TASP1: variants seen among roughly 807,000 people sequenced by gnomAD.
TASP1 encodes taspase 1.
TASP1 carries 16 observed loss-of-function variants against 56.6 expected under a neutral mutation model. That is an observed-to-expected ratio of 0.28 (90% CI 0.19 to 0.43). TASP1 has a LOEUF of 0.43. TASP1 is among the 20% of genes least tolerant of loss of function. The pLI is 1.00. For synonymous variants in TASP1, 179 were observed against 184.2 expected, an observed-to-expected ratio of 0.97 and a Z score of 0.23; for missense variants, 393 against 511.6, an observed-to-expected ratio of 0.77 and a Z score of 2.24.
chr20:13,551,717 T>C (rs911032969), intron 8 of TASP1, among the ~76,000 whole-genome samples: 1 of 152,198 alleles, frequency 6.6e-6, no homozygotes, highest in African/African-American at 2.4e-5. Context: ...AGTACAGCAA[T>C]TGGCCAATGA....
At chr20:13,326,094 G>A in the TASP1 span, among the ~76,000 whole-genome samples, 7 of 152,174 alleles carry the variant, frequency 4.6e-5, no homozygotes, top group East Asian at 7.7e-4. Context: ...GGTTTCTTTC[G>A]CTCAGCATAA....
intron 4 of TASP1, among the ~76,000 whole-genome samples, chr20:13,595,791 C>T (rs560740974): frequency 6.6e-6 from 1 of 152,204 alleles, no homozygotes; most frequent in Non-Finnish European, 1.5e-5. Flanking sequence ...ACTTTAACAT[C>T]CCACTGTCAA....
At chr20:13,179,008 G>A in the TASP1 span, among the ~76,000 whole-genome samples, 5 of 152,040 alleles carry the variant, frequency 3.3e-5, no homozygotes, top group Non-Finnish European at 7.4e-5. Context: ...TACTTTATAT[G>A]TATCCAAACA....
chr20:13,342,779 C>G, the TASP1 span, among the ~76,000 whole-genome samples: 1 of 152,178 alleles, frequency 6.6e-6, no homozygotes, highest in Non-Finnish European at 1.5e-5. Context: ...TCACACCCTC[C>G]CTTCTGGACT....
chr20:13,197,786 C>T, the TASP1 span, among the ~76,000 whole-genome samples: 1 of 152,148 alleles, frequency 6.6e-6, no homozygotes, highest in East Asian at 1.9e-4. Context: ...GAATTTTGAA[C>T]TCACATCCAG....
the TASP1 span, among the ~76,000 whole-genome samples, chr20:13,127,354 G>GATAC: frequency 6.6e-6 from 1 of 152,172 alleles, no homozygotes; most frequent in South Asian, 2.1e-4. Flanking sequence ...CACCAGAGGG[G>GATAC]ATACGGTGCT....
chr20:13,463,594 G>A (rs2044139481), intron 11 of TASP1, among the ~76,000 whole-genome samples: 1 of 152,036 alleles, frequency 6.6e-6, no homozygotes, highest in African/African-American at 2.4e-5. Flanking sequence ...GAAAATATCT[G>A]TAAATCACAT....
chr20:13,173,793 T>G, the TASP1 span, among the ~76,000 whole-genome samples: 1 of 152,210 alleles, frequency 6.6e-6, no homozygotes, highest in Admixed American at 6.5e-5. Flanking sequence ...TAGGTTTGTT[T>G]GGAATTGCCT....
the TASP1 span, among the ~76,000 whole-genome samples, chr20:13,352,255 G>A: frequency 6.6e-6 from 1 of 152,032 alleles, no homozygotes; most frequent in African/African-American, 2.4e-5. Flanking sequence ...TTCAACACCA[G>A]CCTGGACAAC....
chr20:13,236,267 G>C, the TASP1 span, among the ~76,000 whole-genome samples: 1 of 152,034 alleles, frequency 6.6e-6, no homozygotes, highest in East Asian at 1.9e-4. Flanking sequence ...ACAATTCTTA[G>C]GAGTAATACA....
At chr20:13,120,165 A>T in the TASP1 span, among the ~76,000 whole-genome samples, 1 of 152,198 alleles carries the variant, frequency 6.6e-6, no homozygotes, top group African/African-American at 2.4e-5. Flanking sequence ...TACTTCTACT[A>T]GTATGTTTAA....
intron 13 of TASP1, among the ~76,000 whole-genome samples, chr20:13,395,868 AT>A (rs879720393): frequency 3.3e-3 from 467 of 142,202 alleles, no homozygotes; most frequent in Middle Eastern, 3.6e-3. Flanking sequence ...CACCTGGCTA[AT>A]TTTTTTTTTT....
At chr20:13,132,333 C>T in the TASP1 span, among the ~76,000 whole-genome samples, 12 of 151,780 alleles carry the variant, frequency 7.9e-5, no homozygotes, top group Admixed American at 1.3e-4. Flanking sequence ...CCCACCGCCA[C>T]GCCCAGCTAA....
In TASP1 at chr20:13,471,685, T is replaced by C. The variant is rs1471129711; in HGVS notation, c.985+11542A>G. On this transcript the variant is annotated intron_variant, in intron 11 of 13. Transcript: ENST00000337743. ...TCCCACATCTTAGAATAAAACTGTA[T>C]TTACTGAGTATAGCTCCGTTCCAAG... Among the ~76,000 whole-genome samples the C allele has an allele frequency of 2.6e-5, 4 of 152,160 alleles. No homozygotes were observed. The East Asian group carries it at 7.7e-4, about 29-fold the overall frequency.
Position 13,611,773 on chromosome 20 carries a change from T to C in TASP1, c.282+11673A>G, listed in dbSNP as rs559381107. On this transcript the variant is annotated intron_variant, in intron 4 of 13. Transcript: ENST00000337743. ...GCTGTCACTTAGCTCTGGGAGATTG[T>C]AGCCCTGGGAGAATGCATGCTCCAT... 2.0e-5 allele frequency among the ~76,000 whole-genome samples: 3 copies of C among 152,362 alleles called. No individual in the cohort carries two copies. In the East Asian group the frequency reaches 5.8e-4, roughly 29 times the overall value.
the TASP1 span, among the ~76,000 whole-genome samples, chr20:13,204,292 T>C: frequency 6.6e-6 from 1 of 152,182 alleles, no homozygotes; most frequent in Non-Finnish European, 1.5e-5. Flanking sequence ...TTGTTCTGCC[T>C]GTCTGAGCCA....
intron 11 of TASP1, among the ~76,000 whole-genome samples, chr20:13,447,232 T>C (rs2043444091): frequency 6.6e-6 from 1 of 152,194 alleles, no homozygotes; most frequent in Non-Finnish European, 1.5e-5. Flanking sequence ...ATTACTAATC[T>C]GATACATGAA....
At chr20:13,358,637 C>T in the TASP1 span, among the ~76,000 whole-genome samples, 1 of 150,546 alleles carries the variant, frequency 6.6e-6, no homozygotes, top group Non-Finnish European at 1.5e-5. Context: ...CACAAAACTT[C>T]GGCGCCAGTC....
At chr20:13,221,651 G>C in the TASP1 span, 15 of 781,180 alleles carry the variant, frequency 1.9e-5, no homozygotes, top group Non-Finnish European at 2.5e-5. Flanking sequence ...GGGAAGCGGA[G>C]CCCTGGCGGG....
Sources: gnomAD v4.1 joint callset for allele counts (sites outside exome capture counted in the v4.1 genomes callset) on GRCh38, gnomAD v4.1.1 for gene constraint, MANE v1.5 for transcripts, NCBI Gene and HGNC (gene_info 2026-07-23, HGNC 2026-07-21) for gene names.